SYNE2: variants seen among roughly 807,000 people sequenced by gnomAD.
The protein encoded by SYNE2 is spectrin repeat containing nuclear envelope protein 2.
SYNE2 carries 431 observed loss-of-function variants against 856.3 expected under a neutral mutation model. The ratio of observed to expected loss-of-function variants is 0.50; its 90% CI spans 0.47 to 0.55. The LOEUF (loss-of-function observed/expected upper bound fraction) is 0.55. SYNE2 is among the 20% of genes least tolerant of loss of function. SYNE2 has a pLI of 0.00. For missense variants in SYNE2, 8,129 were observed against 8,023.2 expected (o/e 1.01, Z -0.50); for synonymous variants, 2,923 against 2,872.3 (o/e 1.02, Z -0.56).
At chr14:64,150,291 C>CAAAA (rs773488742) in intron 84 of SYNE2, among the ~76,000 whole-genome samples, 40 of 35,632 alleles carry the variant, frequency 1.1e-3, no homozygotes, top group South Asian at 3.1e-3. Flanking sequence ...GATTCTCTCT[C>CAAAA]AAAAAAAAAA....
At chr14:63,889,088 A>T (rs117369775) in intron 1 of SYNE2, among the ~76,000 whole-genome samples, 1 of 149,996 alleles carries the variant, frequency 6.7e-6, no homozygotes, top group African/African-American at 2.4e-5. Context: ...AAGACCTATG[A>T]TACAGACAAA....
intron 39 of SYNE2, 81 bp downstream of exon 39, chr14:64,024,540 T>A: frequency 7.5e-7 from 1 of 1,331,846 alleles, no homozygotes; most frequent in Non-Finnish European, 1.1e-6. Context: ...CAGAGAGCAC[T>A]GGGATACGCA....
At chr14:64,146,018 C>A in intron 83 of SYNE2, 50 bp from the exon 84 acceptor site, 1 of 1,362,074 alleles carries the variant, frequency 7.3e-7, no homozygotes. Flanking sequence ...TGGCATTTAC[C>A]TTTTAAAACA....
chr14:64,039,392 G>A (rs1005568218), intron 45 of SYNE2, among the ~76,000 whole-genome samples: 2 of 152,208 alleles, frequency 1.3e-5, no homozygotes, highest in African/African-American at 4.8e-5. Flanking sequence ...CAGTCATTTA[G>A]AGCTCAGTGT....
intron 66 of SYNE2, among the ~76,000 whole-genome samples, chr14:64,113,855 A>AG (rs1489967086): frequency 2.0e-5 from 3 of 152,122 alleles, no homozygotes; most frequent in Non-Finnish European, 4.4e-5. Context: ...TTCCTTATAT[A>AG]GTAGGTTATC....
At position 63,782,212 on chromosome 14, in the gene SYNE2, G is replaced by A. The variant is rs560137093; in HGVS notation, c.-305+20226G>A. 4.6e-5 allele frequency among the ~76,000 whole-genome samples: 7 copies of A among 151,540 alleles called. No homozygotes were observed. The East Asian group carries it at 1.2e-3, about 25-fold the overall frequency. On this transcript the variant is annotated intron_variant, in intron 1 of 23. Coordinates refer to the SYNE2 transcript ENST00000674003. ...TTGGGGGCCAGGCACAGTGGCTCAC[G>A]CCTGTAATCCCAGCACTTTAGGAGG...
chr14:63,779,779 C>T (rs1459578975), intron 1 of SYNE2, among the ~76,000 whole-genome samples: 1 of 152,042 alleles, frequency 6.6e-6, no homozygotes, highest in African/African-American at 2.4e-5. Flanking sequence ...GGCGTGGTGC[C>T]ACGTGCCTGT....
At chr14:63,867,247 T>C (rs1302326782) in intron 1 of SYNE2, among the ~76,000 whole-genome samples, 1 of 152,214 alleles carries the variant, frequency 6.6e-6, no homozygotes, top group Non-Finnish European at 1.5e-5. Flanking sequence ...CCCATGATTC[T>C]GTACAGAAAC....
intron 1 of SYNE2, among the ~76,000 whole-genome samples, chr14:63,846,172 C>T (rs540044046): frequency 3.3e-5 from 5 of 151,774 alleles, no homozygotes; most frequent in African/African-American, 7.3e-5. Context: ...CCACAGCTTC[C>T]TGAGGAGCTG....
rs534039006 is a variant in SYNE2, at chr14:63,909,885, A to G, written c.79+658A>G. Among the ~76,000 whole-genome samples, 4 of 152,330 alleles carry G rather than the reference A, an allele frequency of 2.6e-5. No homozygotes were observed. In the South Asian group the frequency reaches 8.3e-4, roughly 32 times the overall value. On this transcript the variant is annotated intron_variant, in intron 2 of 115. Transcript: ENST00000555002. ...ATGCACATCCTTATTTTGTCCTGATAGGAAGAGAGGTAATATTATAAATGA... is the reference window on the plus strand; with the variant it reads ...ATGCACATCCTTATTTTGTCCTGATGGGAAGAGAGGTAATATTATAAATGA...
chr14:63,884,771 T>C (rs1473004731), intron 1 of SYNE2, among the ~76,000 whole-genome samples: 2 of 152,048 alleles, frequency 1.3e-5, no homozygotes, highest in African/African-American at 2.4e-5. Context: ...ATGTTGAATT[T>C]TAAATGCAGT....
chr14:64,089,354 G>A (rs1323247036), intron 58 of SYNE2, among the ~76,000 whole-genome samples: 14 of 101,514 alleles, frequency 1.4e-4, no homozygotes, highest in Non-Finnish European at 2.5e-4. Flanking sequence ...CAACAAGAGC[G>A]AAACTCCGTC....
At chr14:63,761,660 C>A (rs935355131), upstream of SYNE2, among the ~76,000 whole-genome samples, 2 of 152,194 alleles carry the variant, frequency 1.3e-5, no homozygotes, top group African/African-American at 4.8e-5. Context: ...GGACTTATGA[C>A]CTGCTTCAGA....
chr14:63,924,857 T>TTTTTTTTTTTTTTTTTTTTTTTTTC (rs2095644618), intron 2 of SYNE2, among the ~76,000 whole-genome samples: 1 of 135,792 alleles, frequency 7.4e-6, no homozygotes, highest in Non-Finnish European at 1.6e-5. Flanking sequence ...TTTTTTTTTT[T>TTTTTTTTTTTTTTTTTTTTTTTTTC]TTTTTTGCCT....
chr14:64,074,330 A>G lies in SYNE2; in HGVS notation c.10866+194A>G, dbSNP rs185631147. The stretch of plus-strand genomic sequence containing the variant: ...GAAGATCAGTGTGGCTGGAGAGCAG[A>G]GAACAGAGTTGAAACAAGGCTGGAA... On this transcript the variant is annotated intron_variant, in intron 53 of 115. Coordinates refer to ENST00000555002, the MANE Select transcript of SYNE2 (RefSeq NM_182914.3). Among the ~76,000 whole-genome samples, 24 of 152,332 alleles carry G rather than the reference A, an allele frequency of 1.6e-4. No individual in the cohort carries two copies. The East Asian group carries it at 4.6e-3, about 29-fold the overall frequency.
At chr14:63,979,164 A>G (rs1463040978) in intron 14 of SYNE2, 150 bp downstream of exon 14, 1 of 773,164 alleles carries the variant, frequency 1.3e-6, no homozygotes. Context: ...GCATGGAGAA[A>G]AGAATTACAG....
Position 64,161,280 on chromosome 14 carries a change from G to A in SYNE2, c.16095-792G>A, listed in dbSNP as rs146072445. On this transcript the variant is annotated intron_variant, in intron 87 of 115. Coordinates refer to ENST00000555002, the MANE Select transcript of SYNE2 (RefSeq NM_182914.3). ...GATCACTTAAGCCCAGGAGGTCAAGGCTACAGTGAGCTGAGATTGCACCAC... is the reference window on the plus strand; with the variant it reads ...GATCACTTAAGCCCAGGAGGTCAAGACTACAGTGAGCTGAGATTGCACCAC... 6.2e-4 allele frequency among the ~76,000 whole-genome samples: 94 copies of A among 151,794 alleles called. 1 individual carries two copies. Among genetic ancestry groups the A allele is most frequent in the Middle Eastern group, 3.4e-3 (1 of 292 alleles).
At chr14:64,012,696 G>C (rs2096855993) in intron 32 of SYNE2, among the ~76,000 whole-genome samples, 1 of 152,064 alleles carries the variant, frequency 6.6e-6, no homozygotes, top group South Asian at 2.1e-4. Flanking sequence ...TATGTTTCTT[G>C]AAATAATCTA....
At chr14:64,174,325 G>T (rs2098424142) in intron 94 of SYNE2, among the ~76,000 whole-genome samples, 1 of 152,116 alleles carries the variant, frequency 6.6e-6, no homozygotes, top group Non-Finnish European at 1.5e-5. Context: ...GCCTGTCTTG[G>T]CCTCCCAAAG....
Sources: allele counts gnomAD v4.1 joint callset (sites outside exome capture counted in the v4.1 genomes callset), GRCh38; gene constraint gnomAD v4.1.1; transcripts MANE v1.5; gene names NCBI Gene and HGNC (gene_info 2026-07-23, HGNC 2026-07-21).